RASGRF2: variants seen among roughly 807,000 people sequenced by gnomAD.
The protein encoded by RASGRF2 is Ras protein specific guanine nucleotide releasing factor 2, also known as ras-specific guanine nucleotide-releasing factor 2.
RASGRF2 carries 76 observed loss-of-function variants against 151.0 expected under a neutral mutation model. The ratio of observed to expected loss-of-function variants is 0.50; its 90% CI spans 0.42 to 0.61. The LOEUF is 0.61. RASGRF2 is among the 20% of genes least tolerant of loss of function. The pLI is 0.00. For synonymous variants in RASGRF2, 504 were observed against 566.5 expected (o/e 0.89, Z 1.57); for missense variants, 1,148 against 1,564.6 (o/e 0.73, Z 4.49).
In RASGRF2 at chr5:81,225,731, T is replaced by C; in HGVS notation, c.3675T>C (p.Tyr1225=). 11 of 1,612,536 alleles carry C rather than the reference T, an allele frequency of 6.8e-6. No homozygotes were observed. The highest frequency in any genetic ancestry group is 8.5e-6 in the Non-Finnish European group (10 of 1,179,638). The change falls in exon 27 of 27, where the codon TAT becomes TAC. Residue 1225 remains tyrosine (Y), a synonymous_variant. Transcript: ENST00000265080. Reference sequence around the variant, plus strand: ...TTATCATAGATGAAGATACGCTATATGAGCTGTCACTAAAAATTGAACCTC... The same window carrying C: ...TTATCATAGATGAAGATACGCTATACGAGCTGTCACTAAAAATTGAACCTC... ...KDLIIDEDTL[Y]ELSLKIEPRL... is the part of the protein sequence containing the mutation.
intron 8 of RASGRF2, 45 bp downstream of exon 8, chr5:81,085,956 A>C: frequency 1.2e-6 from 2 of 1,612,842 alleles, no homozygotes; most frequent in South Asian, 2.2e-5. Flanking sequence ...GGAAAGCAGC[A>C]AGTTAGTCTC....
At chr5:81,087,042 C>A (rs1752252898) in intron 9 of RASGRF2, 89 bp downstream of exon 9, 4 of 1,231,766 alleles carry the variant, frequency 3.2e-6, no homozygotes, top group Non-Finnish European at 3.6e-6. Flanking sequence ...TCTGAACAGG[C>A]GTGACGGGTG....
In RASGRF2 at chr5:81,018,824, A is replaced by G. The variant is rs148213305; in HGVS notation, c.289-24053A>G. On this transcript the variant is annotated intron_variant, in intron 1 of 26. Coordinates refer to ENST00000265080, the MANE Select transcript of RASGRF2 (RefSeq NM_006909.3). ...GCACTTTTTTTTTTTTTTTTTTGAG[A>G]CAGAGTCTCACTGTGTCACCCAGGC... is the stretch of plus-strand genomic sequence containing the variant. Among the ~76,000 whole-genome samples the G allele has an allele frequency of 3.7e-3, 515 of 139,588 alleles. 6 individuals are homozygous for G. The highest frequency in any genetic ancestry group is 0.013 in the African/African-American group (495 of 36,892). 91.6% of individuals were successfully genotyped at this position (139,588 alleles called of 152,430 possible).
chr5:81,221,558 A>G (rs74362933), intron 26 of RASGRF2, among the ~76,000 whole-genome samples: 2,621 of 152,246 alleles, frequency 0.017, 74 homozygotes, highest in African/African-American at 0.059. Flanking sequence ...CTGATAGTAT[A>G]AGATGCTCCA....
chr5:81,144,977 C>T (rs1453214289), intron 17 of RASGRF2, among the ~76,000 whole-genome samples: 2 of 152,096 alleles, frequency 1.3e-5, no homozygotes, highest in Non-Finnish European at 2.9e-5. Flanking sequence ...CAGTGGCTCA[C>T]GCCTGTAATC....
intron 15 of RASGRF2, among the ~76,000 whole-genome samples, chr5:81,121,721 A>T (rs1301876882): frequency 3.3e-5 from 5 of 152,122 alleles, no homozygotes; most frequent in Non-Finnish European, 2.9e-5. Context: ...GCTTCTACAA[A>T]ACACAAATAT....
chr5:81,185,864 A>G (rs1345333441), intron 18 of RASGRF2, among the ~76,000 whole-genome samples: 1 of 152,188 alleles, frequency 6.6e-6, no homozygotes, highest in African/African-American at 2.4e-5. Flanking sequence ...TTGAAATGAC[A>G]CCATTCTTAT....
chr5:81,129,629 A>G (rs1212892462), intron 17 of RASGRF2, among the ~76,000 whole-genome samples: 2 of 152,204 alleles, frequency 1.3e-5, no homozygotes, highest in African/African-American at 4.8e-5. Context: ...ATAATGGTCA[A>G]AATATCAATC....
At chr5:81,023,542 C>T (rs570015444) in intron 1 of RASGRF2, among the ~76,000 whole-genome samples, 2 of 151,478 alleles carry the variant, frequency 1.3e-5, no homozygotes, top group Admixed American at 6.6e-5. Flanking sequence ...TAATGATTTG[C>T]AGGCACATGC....
rs915524766 is a variant in RASGRF2, at chr5:81,057,008, G to A, written c.396-11024G>A. Reference sequence around the variant, plus strand: ...AGATCTTCCTCCATCCCTTTATTTTGAGCCTATGTGTGTCTCTGCACATGA... The same window carrying A: ...AGATCTTCCTCCATCCCTTTATTTTAAGCCTATGTGTGTCTCTGCACATGA... On this transcript the variant is annotated intron_variant, in intron 2 of 26. Transcript: ENST00000265080. Among the ~76,000 whole-genome samples the A allele has an allele frequency of 2.0e-5, 3 of 151,524 alleles. 1 individual carries two copies. Among genetic ancestry groups the A allele is most frequent in the Admixed American group, 2.0e-4 (3 of 15,232 alleles).
At chr5:81,209,740 G>A (rs1471470057) in intron 22 of RASGRF2, among the ~76,000 whole-genome samples, 1 of 152,150 alleles carries the variant, frequency 6.6e-6, no homozygotes, top group East Asian at 1.9e-4. Context: ...AGAGAGGTTC[G>A]ATCCCAGGCT....
intron 17 of RASGRF2, among the ~76,000 whole-genome samples, chr5:81,176,489 T>C (rs1754777256): frequency 1.3e-5 from 2 of 152,200 alleles, no homozygotes; most frequent in Admixed American, 1.3e-4. Context: ...TAGAGCTATC[T>C]AATAGTTCTC....
intron 18 of RASGRF2, among the ~76,000 whole-genome samples, chr5:81,194,040 GATA>G (rs1236932778): frequency 6.6e-6 from 1 of 152,050 alleles, no homozygotes; most frequent in African/African-American, 2.4e-5. Context: ...GATTAAATGA[GATA>G]ATAAAGTAGC....
intron 1 of RASGRF2, among the ~76,000 whole-genome samples, chr5:81,026,941 TA>T (rs1750056588): frequency 6.6e-6 from 1 of 152,192 alleles, no homozygotes. Context: ...CGTGAATAGA[TA>T]AGAATGAGTG....
At chr5:81,213,937 T>G (rs1414433379) in intron 23 of RASGRF2, among the ~76,000 whole-genome samples, 2 of 152,196 alleles carry the variant, frequency 1.3e-5, no homozygotes, top group Non-Finnish European at 2.9e-5. Context: ...ACGCGGGGAT[T>G]CCCTGCACCT....
At chr5:80,965,347 G>C (rs1747690575) in intron 1 of RASGRF2, among the ~76,000 whole-genome samples, 1 of 151,856 alleles carries the variant, frequency 6.6e-6, no homozygotes, top group South Asian at 2.1e-4. Flanking sequence ...AATGATATTT[G>C]CTAAATCTTA....
At chr5:81,125,778 G>A (rs748919191) in intron 16 of RASGRF2, among the ~76,000 whole-genome samples, 5 of 152,180 alleles carry the variant, frequency 3.3e-5, no homozygotes, top group Non-Finnish European at 5.9e-5. Flanking sequence ...CATCTTGTTT[G>A]TGGATTAACT....
At chr5:81,081,315 T>C (rs959055997) in intron 7 of RASGRF2, among the ~76,000 whole-genome samples, 1 of 152,106 alleles carries the variant, frequency 6.6e-6, no homozygotes, top group African/African-American at 2.4e-5. Flanking sequence ...TCACAGAGGC[T>C]GTGGAGACTA....
intron 7 of RASGRF2, among the ~76,000 whole-genome samples, chr5:81,082,371 A>G (rs1188870787): frequency 6.6e-6 from 1 of 152,206 alleles, no homozygotes; most frequent in African/African-American, 2.4e-5. Flanking sequence ...TCTCCCGAAG[A>G]CTATGCCTGA....
Sources: allele counts gnomAD v4.1 joint callset (sites outside exome capture counted in the v4.1 genomes callset), GRCh38; gene constraint gnomAD v4.1.1; transcripts MANE v1.5; gene names NCBI Gene and HGNC (gene_info 2026-07-23, HGNC 2026-07-21).